The following CEP192 variants were observed in gnomAD, a reference collection of about 807,000 sequenced individuals.
CEP192 encodes centrosomal protein of 192 kDa.
CEP192 carries 151 observed loss-of-function variants against 271.8 expected under a neutral mutation model. The observed-to-expected ratio is 0.56, with a 90% confidence interval of 0.49 to 0.64. CEP192 has a LOEUF of 0.64. Ranked by LOEUF, CEP192 falls within the 30% of genes least tolerant of loss-of-function variation. The pLI is 0.00. For synonymous variants in CEP192, 995 were observed against 1,076.5 expected (o/e 0.92, Z 1.48); for missense variants, 2,910 against 3,020.5 (o/e 0.96, Z 0.86).
chr18:13,046,184 C>G (rs898258448), intron 15 of CEP192, among the ~76,000 whole-genome samples: 1 of 152,094 alleles, frequency 6.6e-6, no homozygotes, highest in African/African-American at 2.4e-5. Flanking sequence ...GCAGGCATGT[C>G]ACATGGCCAA....
rs542442906 is a variant in CEP192, at chr18:13,105,231, C to T, written c.7047+152C>T. On this transcript the variant is annotated intron_variant, in intron 40 of 44. Coordinates refer to ENST00000506447, the MANE Select transcript of CEP192 (RefSeq NM_032142.4). ...AGAAGAGTCTGCCTCACTTACAATG[C>T]GCTGTAGCAGATAGTCTTAGTGTGA... is the stretch of plus-strand genomic sequence containing the variant. 2.5e-4 allele frequency: 159 copies of T among 646,120 alleles called. 1 individual carries two copies. The highest frequency in any genetic ancestry group is 1.8e-3 in the South Asian group (99 of 54,592). The allele number at this position is 646,120 out of a possible 1,614,324, so 40.0% of individuals were successfully genotyped here.
intron 30 of CEP192, among the ~76,000 whole-genome samples, chr18:13,083,205 T>C (rs2144639640): frequency 6.6e-6 from 1 of 152,366 alleles, no homozygotes; most frequent in South Asian, 2.1e-4. Context: ...GATAATATCC[T>C]GCAGTGTGTT....
At chr18:13,116,646 G>C (rs185916561) in intron 43 of CEP192, 143 bp downstream of exon 43, 10 of 743,546 alleles carry the variant, frequency 1.3e-5, no homozygotes, top group Middle Eastern at 4.1e-4. Context: ...GAGTCTCGCT[G>C]TCGCCCAGGC....
chr18:13,110,737 A>G (rs2040172098), intron 40 of CEP192, among the ~76,000 whole-genome samples: 1 of 152,262 alleles, frequency 6.6e-6, no homozygotes, highest in Non-Finnish European at 1.5e-5. Flanking sequence ...AAGGAAGCCA[A>G]CAGTGCAGCC....
rs772142327 is a variant in CEP192 at position 13,056,415 on chromosome 18, C to G, written c.3825C>G (p.Thr1275=). 3 of 1,614,234 alleles carry G rather than the reference C, an allele frequency of 1.9e-6. No homozygotes were observed. Among genetic ancestry groups the G allele is most frequent in the South Asian group, 2.2e-5 (2 of 91,090 alleles). ...GAACACTCCCTTCAACTGGAAGCAC[C>G]ACCTTGCCTCAGTGCCATGCTGGCA... The part of the protein sequence containing the change: ...YLGTLPSTGS[T]TLPQCHAGNA... The change falls in exon 19 of 45, where the codon ACC becomes ACG. Residue 1275 remains threonine, a synonymous_variant. Transcript: ENST00000506447.
intron 9 of CEP192, among the ~76,000 whole-genome samples, chr18:13,028,402 A>T (rs1037028497): frequency 2.0e-5 from 3 of 152,254 alleles, no homozygotes; most frequent in African/African-American, 7.2e-5. Flanking sequence ...TCAGAGTGTT[A>T]CACTTAGAAG....
chr18:13,008,877 T>G (rs1234067060), intron 4 of CEP192, among the ~76,000 whole-genome samples: 1 of 152,120 alleles, frequency 6.6e-6, no homozygotes, highest in Non-Finnish European at 1.5e-5. Context: ...AGGCTAACTT[T>G]TTGTGTTTTT....
In CEP192 at chr18:13,102,239, TAGAC is replaced by T. The variant is rs768844033; in HGVS notation, c.6872-1267_6872-1264del. Among the ~76,000 whole-genome samples, 7 of 151,978 alleles carry T rather than the reference TAGAC, an allele frequency of 4.6e-5. No individual in the cohort carries two copies. The East Asian group carries it at 9.7e-4, about 21-fold the overall frequency. ...TTGACTTTGCCTTACACGTGAAAAA[TAGAC>T]AGGCCCTGAGACTCAGTGAAAGGCT... On this transcript the variant is annotated intron_variant, in intron 38 of 44. Transcript: ENST00000506447.
rs531417013 is a variant in CEP192, at chr18:13,026,522, G to T, written c.1051-3141G>T. On this transcript the variant is annotated intron_variant, in intron 9 of 44. Coordinates refer to ENST00000506447, the MANE Select transcript of CEP192 (RefSeq NM_032142.4). ...TTTGTCTTCTCTTTTTGATATCTCT[G>T]TTATGCATATGTTATACATTTTGTA... Among the ~76,000 whole-genome samples, 82 of 152,098 alleles carry T rather than the reference G, an allele frequency of 5.4e-4. 1 individual carries two copies. Among genetic ancestry groups the T allele is most frequent in the Non-Finnish European group, 3.4e-4 (23 of 67,970 alleles).
At chr18:13,095,854 T>C (rs994435765) in intron 35 of CEP192, among the ~76,000 whole-genome samples, 173 bp downstream of exon 35, 1 of 152,126 alleles carries the variant, frequency 6.6e-6, no homozygotes, top group Non-Finnish European at 1.5e-5. Context: ...TAGAGCAGAG[T>C]CCTTGTCCCA....
intron 11 of CEP192, among the ~76,000 whole-genome samples, chr18:13,033,379 A>G (rs1218727474): frequency 1.3e-5 from 2 of 152,082 alleles, no homozygotes; most frequent in Non-Finnish European, 2.9e-5. Context: ...ACCCAGTCAT[A>G]GTATTTTTCA....
intron 42 of CEP192, among the ~76,000 whole-genome samples, 164 bp from the exon 43 acceptor site, chr18:13,116,213 C>G (rs1325850489): frequency 6.6e-6 from 1 of 152,168 alleles, no homozygotes; most frequent in Non-Finnish European, 1.5e-5. Context: ...TGCTGTCATC[C>G]TCTTCACATA....
intron 38 of CEP192, among the ~76,000 whole-genome samples, chr18:13,103,062 T>G (rs963611094): frequency 4.1e-4 from 63 of 152,216 alleles, no homozygotes; most frequent in African/African-American, 1.4e-3. Flanking sequence ...AGCAAGTCCT[T>G]TGAAGCCTGT....
At chr18:13,104,881 A>T in intron 39 of CEP192, 103 bp from the exon 40 acceptor site, 4 of 861,398 alleles carry the variant, frequency 4.6e-6, no homozygotes, top group Non-Finnish European at 7.7e-6. Context: ...TCCACTGCTA[A>T]GTGTGTTGGT....
At chr18:13,064,797 A>G (rs1158991650) in intron 21 of CEP192, among the ~76,000 whole-genome samples, 1 of 151,808 alleles carries the variant, frequency 6.6e-6, no homozygotes, top group Non-Finnish European at 1.5e-5. Flanking sequence ...TTTGCTTGGG[A>G]TAGCTTGTCT....
At chr18:13,030,397 A>T in intron 10 of CEP192, 68 bp from the exon 11 acceptor site, 3 of 1,371,506 alleles carry the variant, frequency 2.2e-6, no homozygotes, top group Non-Finnish European at 2.9e-6. Flanking sequence ...TTTAAAAAAA[A>T]TTGAGAATGT....
intron 34 of CEP192, 104 bp downstream of exon 34, chr18:13,092,631 C>G: frequency 7.0e-6 from 6 of 858,612 alleles, no homozygotes; most frequent in Non-Finnish European, 1.1e-5. Flanking sequence ...TATTTTGTCT[C>G]AAAATTTTTA....
intron 20 of CEP192, 130 bp downstream of exon 20, chr18:13,057,863 T>C: frequency 2.6e-6 from 2 of 763,336 alleles, no homozygotes; most frequent in Non-Finnish European, 4.1e-6. Flanking sequence ...CCATGGTATC[T>C]TTCTCTCAGA....
chr18:12,998,637 TC>T (rs2033412331), intron 1 of CEP192, among the ~76,000 whole-genome samples: 1 of 152,236 alleles, frequency 6.6e-6, no homozygotes, highest in African/African-American at 2.4e-5. Flanking sequence ...CTATAAAAGT[TC>T]TTCTCAGTCT....
Sources: gnomAD v4.1 joint callset for allele counts (sites outside exome capture counted in the v4.1 genomes callset) on GRCh38, gnomAD v4.1.1 for gene constraint, MANE v1.5 for transcripts, NCBI Gene and HGNC (gene_info 2026-07-23, HGNC 2026-07-21) for gene names.